The following NELL1 variants were observed in gnomAD, a reference collection of about 807,000 sequenced individuals.
The protein encoded by NELL1 is neural EGFL like 1, also known as protein kinase C-binding protein NELL1.
Under a neutral mutation model 107.4 loss-of-function variants are expected in NELL1, and 76 were observed. The observed-to-expected ratio is 0.71, with a 90% CI of 0.59 to 0.86. The LOEUF (loss-of-function observed/expected upper bound fraction) is 0.86. Among genes scored for constraint, NELL1 ranks in the 40% least tolerant of loss-of-function variants. The pLI, the probability that NELL1 is intolerant of heterozygous loss-of-function variation, is 0.00. For missense variants in NELL1, 1,024 were observed against 1,005.5 expected, an observed-to-expected ratio of 1.02 and a Z score of -0.25; for synonymous variants, 353 against 341.2, an observed-to-expected ratio of 1.03 and a Z score of -0.38.
intron 12 of NELL1, among the ~76,000 whole-genome samples, chr11:21,029,877 A>T (rs1852910391): frequency 6.6e-6 from 1 of 152,204 alleles, no homozygotes; most frequent in Admixed American, 6.5e-5. Context: ...AAGAAATGGG[A>T]AAACCATTAA....
chr11:20,714,487 C>T (rs191130451), intron 2 of NELL1, among the ~76,000 whole-genome samples: 20 of 151,510 alleles, frequency 1.3e-4, no homozygotes, highest in South Asian at 4.2e-4. Context: ...GGATTACAGG[C>T]GTGAACCATC....
chr11:20,699,149 G>T (rs139654934), intron 2 of NELL1, among the ~76,000 whole-genome samples: 5,194 of 151,444 alleles, frequency 0.034, 315 homozygotes, highest in African/African-American at 0.12. Flanking sequence ...CCCAGGAGGC[G>T]GAGGTTGTAG....
At chr11:20,745,506 A>G (rs1436039050) in intron 2 of NELL1, among the ~76,000 whole-genome samples, 2 of 152,232 alleles carry the variant, frequency 1.3e-5, no homozygotes, top group Non-Finnish European at 2.9e-5. Flanking sequence ...CATACACAGT[A>G]GGAACTTTGA....
At chr11:21,316,175 A>G (rs1442792450) in intron 14 of NELL1, among the ~76,000 whole-genome samples, 4 of 152,142 alleles carry the variant, frequency 2.6e-5, no homozygotes, top group Non-Finnish European at 5.9e-5. Flanking sequence ...CCATCACCAC[A>G]GCTAAATCCC....
At chr11:21,057,239 T>C (rs1178968743) in intron 12 of NELL1, among the ~76,000 whole-genome samples, 1 of 152,112 alleles carries the variant, frequency 6.6e-6, no homozygotes, top group Non-Finnish European at 1.5e-5. Flanking sequence ...ATTTCTCTGC[T>C]AATCAAATAT....
chr11:20,748,075 G>C (rs1056709675), intron 2 of NELL1, among the ~76,000 whole-genome samples: 5 of 152,164 alleles, frequency 3.3e-5, no homozygotes, highest in Admixed American at 2.6e-4. Flanking sequence ...CAACATGTCA[G>C]TTCAGATGCA....
intron 17 of NELL1, among the ~76,000 whole-genome samples, chr11:21,564,640 A>G (rs1856928167): frequency 6.6e-6 from 1 of 151,158 alleles, no homozygotes; most frequent in Non-Finnish European, 1.5e-5. Flanking sequence ...AGTAGCCTTC[A>G]TCGTGAAAAC....
intron 3 of NELL1, among the ~76,000 whole-genome samples, chr11:20,810,349 G>A (rs976784637): frequency 6.6e-6 from 1 of 152,040 alleles, no homozygotes; most frequent in Admixed American, 6.6e-5. Context: ...CACCATATTT[G>A]CTGTCTTTTA....
intron 13 of NELL1, among the ~76,000 whole-genome samples, chr11:21,214,021 G>T (rs1233447931): frequency 1.3e-5 from 2 of 152,118 alleles, no homozygotes; most frequent in African/African-American, 4.8e-5. Context: ...GACTGTGATA[G>T]AATGAAAATA....
intron 3 of NELL1, among the ~76,000 whole-genome samples, chr11:20,810,036 A>AT (rs2134011945): frequency 6.6e-6 from 1 of 151,096 alleles, no homozygotes; most frequent in South Asian, 2.1e-4. Flanking sequence ...CTATCTTTTA[A>AT]TTTTTTGAGA....
intron 13 of NELL1, among the ~76,000 whole-genome samples, chr11:21,139,424 C>A (rs1052879665): frequency 1.3e-4 from 20 of 152,194 alleles, no homozygotes; most frequent in Non-Finnish European, 2.9e-4. Flanking sequence ...TGGAGCTTCC[C>A]TGGCCATCTT....
chr11:20,915,699 T>TTATATATATATA (rs1242467428), intron 5 of NELL1, among the ~76,000 whole-genome samples: 1 of 20,384 alleles, frequency 4.9e-5, no homozygotes, highest in African/African-American at 1.0e-4. Flanking sequence ...TCCTCATAGA[T>TTATATATATATA]GATATATATA....
rs114143571 is a variant in NELL1, at chr11:20,777,709, G to T, written c.185-5971G>T. ...GCTTATGTGGCACTCAGGCTAGAAG[G>T]TTGTGGCCTGTCTATATCAGGAGTT... On this transcript the variant is annotated intron_variant, in intron 2 of 19. Transcript: ENST00000357134. Among the ~76,000 whole-genome samples, 459 of 152,346 alleles carry T rather than the reference G, an allele frequency of 3.0e-3. 4 individuals are homozygous for T. The highest frequency in any genetic ancestry group is 0.01 in the African/African-American group (429 of 41,584).
chr11:20,883,143 G>A (rs1447081052), intron 4 of NELL1, among the ~76,000 whole-genome samples: 1 of 152,224 alleles, frequency 6.6e-6, no homozygotes, highest in Non-Finnish European at 1.5e-5. Flanking sequence ...TGCCAGGAAG[G>A]CAGCATCCGG....
chr11:21,197,460 T>C (rs1402427546), intron 13 of NELL1, among the ~76,000 whole-genome samples: 1 of 151,738 alleles, frequency 6.6e-6, no homozygotes, highest in Non-Finnish European at 1.5e-5. Flanking sequence ...GGTATGATTT[T>C]CTACTTCCTC....
intron 15 of NELL1, among the ~76,000 whole-genome samples, chr11:21,403,184 G>T (rs919483976): frequency 3.3e-5 from 5 of 151,694 alleles, no homozygotes. Flanking sequence ...TTAGAGACTG[G>T]TAGGAATTCA....
At chr11:21,039,826 A>G (rs1408996038) in intron 12 of NELL1, among the ~76,000 whole-genome samples, 1 of 152,092 alleles carries the variant, frequency 6.6e-6, no homozygotes, top group Non-Finnish European at 1.5e-5. Flanking sequence ...TCTGGAGCTG[A>G]TATATATCTC....
chr11:20,693,981 G>A (rs1030234221), intron 2 of NELL1, among the ~76,000 whole-genome samples: 36 of 145,370 alleles, frequency 2.5e-4, no homozygotes, highest in East Asian at 2.4e-3. Flanking sequence ...GGCTTTGTTC[G>A]TTTCTTTTTA....
intron 2 of NELL1, among the ~76,000 whole-genome samples, chr11:20,775,345 C>G (rs1055160701): frequency 2.0e-5 from 3 of 152,104 alleles, no homozygotes; most frequent in African/African-American, 7.2e-5. Flanking sequence ...TATTTCAATG[C>G]CTTTCATATC....
Sources: allele counts gnomAD v4.1 joint callset (sites outside exome capture counted in the v4.1 genomes callset), GRCh38; gene constraint gnomAD v4.1.1; transcripts MANE v1.5; gene names NCBI Gene and HGNC (gene_info 2026-07-23, HGNC 2026-07-21).